Variants in SMAP1 observed in about 807,000 individuals in gnomAD.
SMAP1 encodes small ArfGAP 1.
In SMAP1, 24 loss-of-function variants were observed where a neutral mutation model predicts 58.5. The ratio of observed to expected loss-of-function variants is 0.41; its 90% CI spans 0.30 to 0.58. The LOEUF (loss-of-function observed/expected upper bound fraction) is 0.58. SMAP1 is among the 20% of genes least tolerant of loss of function. The pLI, the probability that SMAP1 is intolerant of heterozygous loss-of-function variation, is 0.29. For missense variants in SMAP1, 563 were observed against 566.3 expected (o/e 0.99, Z 0.06); for synonymous variants, 216 against 196.6 (o/e 1.10, Z -0.82).
intron 6 of SMAP1, among the ~76,000 whole-genome samples, chr6:70,803,215 C>T (rs1288683442): frequency 6.6e-6 from 1 of 152,076 alleles, no homozygotes; most frequent in Non-Finnish European, 1.5e-5. Flanking sequence ...TCAACTTATT[C>T]CTGGTTTAGT....
At chr6:70,826,934 C>CAAAAAAAAAAAAA (rs61069311) in intron 6 of SMAP1, among the ~76,000 whole-genome samples, 21 of 76,584 alleles carry the variant, frequency 2.7e-4, no homozygotes, top group African/African-American at 7.3e-4. Context: ...AACCGTGTCT[C>CAAAAAAAAAAAAA]AAAAAAAAAA....
chr6:70,695,293 T>C (rs1562097970), intron 1 of SMAP1, among the ~76,000 whole-genome samples: 1 of 152,220 alleles, frequency 6.6e-6, no homozygotes, highest in Non-Finnish European at 1.5e-5. Flanking sequence ...CTGATTGCTC[T>C]AGCTAGACAT....
intron 2 of SMAP1, among the ~76,000 whole-genome samples, chr6:70,751,433 T>C (rs1766272175): frequency 6.6e-6 from 1 of 152,190 alleles, no homozygotes; most frequent in Non-Finnish European, 1.5e-5. Context: ...TGACTTGTTT[T>C]TTAAATCTTC....
chr6:70,844,576 C>T (rs1770920342), intron 7 of SMAP1, among the ~76,000 whole-genome samples: 1 of 152,270 alleles, frequency 6.6e-6, no homozygotes, highest in Admixed American at 6.5e-5. Context: ...CCATGTTAGT[C>T]ATTTTAGCAA....
chr6:70,808,797 C>CA (rs1769256449), intron 6 of SMAP1, among the ~76,000 whole-genome samples: 1 of 151,678 alleles, frequency 6.6e-6, no homozygotes, highest in Non-Finnish European at 1.5e-5. Context: ...TTCTCGCCTA[C>CA]ATTAGTTACT....
chr6:70,749,630 G>T (rs933367495), intron 2 of SMAP1, among the ~76,000 whole-genome samples: 1 of 151,430 alleles, frequency 6.6e-6, no homozygotes, highest in Admixed American at 6.6e-5. Flanking sequence ...AAACCTCAAA[G>T]GACAAGTCAG....
rs1247414412 is a variant in SMAP1 at position 70,697,585 on chromosome 6, C to T, written c.118+29444C>T. 3.9e-5 allele frequency among the ~76,000 whole-genome samples: 6 copies of T among 152,134 alleles called. 1 individual carries two copies. In the South Asian group the frequency reaches 6.2e-4, roughly 16 times the overall value. Reference sequence around the variant, plus strand: ...CCTCCCCAAGTGCTGGGATTACAGGCGTGAGCCACCACGCCTGGCCGCTTC... The same window carrying T: ...CCTCCCCAAGTGCTGGGATTACAGGTGTGAGCCACCACGCCTGGCCGCTTC... On this transcript the variant is annotated intron_variant, in intron 1 of 10. Coordinates refer to ENST00000370455, the MANE Select transcript of SMAP1 (RefSeq NM_001044305.3).
At chr6:70,712,761 GCTTTT>G (rs147701376) in intron 1 of SMAP1, among the ~76,000 whole-genome samples, 2,827 of 147,076 alleles carry the variant, frequency 0.019, 95 homozygotes, top group African/African-American at 0.067. Flanking sequence ...TTTTTTTATT[GCTTTT>G]CTTTTCTTTT....
intron 3 of SMAP1, among the ~76,000 whole-genome samples, chr6:70,757,696 A>G (rs2149892731): frequency 6.6e-6 from 1 of 152,290 alleles, no homozygotes; most frequent in South Asian, 2.1e-4. Flanking sequence ...AACCCCATCA[A>G]AAAGTGGGCG....
chr6:70,801,144 A>C (rs529570042), intron 6 of SMAP1, among the ~76,000 whole-genome samples: 1 of 152,306 alleles, frequency 6.6e-6, no homozygotes, highest in Non-Finnish European at 1.5e-5. Flanking sequence ...ACAGTGTAAA[A>C]GTGTTCTTGT....
At chr6:70,790,364 C>G (rs1352824805) in intron 4 of SMAP1, among the ~76,000 whole-genome samples, 1 of 152,092 alleles carries the variant, frequency 6.6e-6, no homozygotes, top group African/African-American at 2.4e-5. Context: ...GTCTCGAACT[C>G]CTGAACTCAA....
intron 3 of SMAP1, among the ~76,000 whole-genome samples, chr6:70,762,626 T>C (rs1766799747): frequency 6.6e-6 from 1 of 152,196 alleles, no homozygotes; most frequent in Admixed American, 6.5e-5. Context: ...AAAATTCACT[T>C]TGTAGTGTAC....
intron 2 of SMAP1, among the ~76,000 whole-genome samples, chr6:70,740,302 A>C (rs1193223903): frequency 6.6e-6 from 1 of 152,098 alleles, no homozygotes; most frequent in Non-Finnish European, 1.5e-5. Context: ...GCTCATGCCT[A>C]TAATCCCAGC....
Position 70,861,869 on chromosome 6 carries a change from T to C in SMAP1, c.*1535T>C. The C allele has an allele frequency of 6.2e-7, 1 of 1,614,022 alleles. No individual in the cohort carries two copies. Among genetic ancestry groups the C allele is most frequent in the Non-Finnish European group, 8.5e-7 (1 of 1,179,920 alleles). ...TTGCTTTCGGTTCCAGTTCTTCGAC[T>C]GTTGTTATCTGTTTGAGAAAGTCAG... On this transcript the variant is annotated 3_prime_UTR_variant, in exon 11 of 11. Coordinates refer to ENST00000370455, the MANE Select transcript of SMAP1 (RefSeq NM_001044305.3).
intron 6 of SMAP1, among the ~76,000 whole-genome samples, chr6:70,799,272 A>G (rs934327893): frequency 2.0e-5 from 3 of 152,188 alleles, no homozygotes; most frequent in African/African-American, 7.2e-5. Context: ...TAACACCAGA[A>G]TGGTAGATTG....
intron 1 of SMAP1, among the ~76,000 whole-genome samples, chr6:70,702,977 T>TG (rs1767696477): frequency 6.6e-6 from 1 of 152,164 alleles, no homozygotes; most frequent in African/African-American, 2.4e-5. Context: ...TAGAAGTCAA[T>TG]GATAATGGAT....
intron 6 of SMAP1, among the ~76,000 whole-genome samples, chr6:70,799,313 G>A (rs1005509276): frequency 1.3e-5 from 2 of 152,142 alleles, no homozygotes; most frequent in Non-Finnish European, 2.9e-5. Context: ...ATTCTTTTGG[G>A]GGGAGGAAAG....
chr6:70,755,124 C>T, intron 3 of SMAP1, 59 bp downstream of exon 3: 1 of 1,281,666 alleles, frequency 7.8e-7, no homozygotes, highest in South Asian at 1.3e-5. Context: ...TTTTACAGTT[C>T]ATATTTTATC....
chr6:70,781,835 T>C (rs954144061), intron 4 of SMAP1, among the ~76,000 whole-genome samples: 5 of 152,138 alleles, frequency 3.3e-5, no homozygotes, highest in African/African-American at 1.2e-4. Flanking sequence ...TTTTACGTGG[T>C]CAGTTTTTCT....
Sources: allele counts gnomAD v4.1 joint callset (sites outside exome capture counted in the v4.1 genomes callset), GRCh38; gene constraint gnomAD v4.1.1; transcripts MANE v1.5; gene names NCBI Gene and HGNC (gene_info 2026-07-23, HGNC 2026-07-21).